The following ONECUT3 variants were observed in gnomAD, a reference collection of about 807,000 sequenced individuals.
The protein encoded by ONECUT3 is one cut domain family member 3.
A neutral mutation model predicts 16.8 loss-of-function variants in ONECUT3; 11 were observed. That is an observed-to-expected ratio of 0.66 (90% confidence interval 0.41 to 1.09). The LOEUF (loss-of-function observed/expected upper bound fraction) is 1.09, where lower values mean the gene tolerates loss of function less well. ONECUT3 is among the 50% of genes least tolerant of loss of function. ONECUT3 has a pLI of 0.00. For missense variants in ONECUT3, 637 were observed against 629.9 expected, an observed-to-expected ratio of 1.01 and a Z score of -0.12; for synonymous variants, 344 against 310.7, an observed-to-expected ratio of 1.11 and a Z score of -1.13.
At chr19:1,767,728 A>G (rs2068006094) in intron 1 of ONECUT3, among the ~76,000 whole-genome samples, 1 of 152,216 alleles carries the variant, frequency 6.6e-6, no homozygotes, top group Non-Finnish European at 1.5e-5. Flanking sequence ...CCCAGAAAAG[A>G]AAACGACCCT....
chr19:1,773,851 C>T (rs1422840061), intron 1 of ONECUT3, among the ~76,000 whole-genome samples: 1 of 152,218 alleles, frequency 6.6e-6, no homozygotes, highest in Non-Finnish European at 1.5e-5. Context: ...CTGACACCCA[C>T]TGCATTGAGG....
chr19:1,768,547 C>T (rs1429170044), intron 1 of ONECUT3, among the ~76,000 whole-genome samples: 1 of 152,208 alleles, frequency 6.6e-6, no homozygotes, highest in Non-Finnish European at 1.5e-5. Context: ...GCAAGCTTGA[C>T]AGCCTGGCCC....
Position 1,779,777 on chromosome 19 carries a change from T to G in ONECUT3, c.*4332T>G, listed in dbSNP as rs2145159358. ...TTTCGTTACTGTTTCTTTCCTCCTT[T>G]CTAAGGAACTGTGTCCAGCCGGGAC... On this transcript the variant is annotated 3_prime_UTR_variant, in exon 2 of 2. Coordinates refer to ENST00000382349, the MANE Select transcript of ONECUT3 (RefSeq NM_001080488.2). 1 of 152,004 alleles carries G rather than the reference T, an allele frequency of 6.6e-6. No homozygotes were observed. The highest frequency in any genetic ancestry group is 2.4e-5 in the African/African-American group (1 of 41,396). 9.4% of individuals were successfully genotyped at this position (152,004 alleles called of 1,614,324 possible). A position where few individuals can be genotyped will look rare whatever the true frequency, so the allele number is the denominator to read the frequency against.
Position 1,762,110 on chromosome 19 carries a change from C to T in ONECUT3, c.1192+7256C>T, listed in dbSNP as rs1600342059. On this transcript the variant is annotated intron_variant, in intron 1 of 1. Transcript: ENST00000382349. The surrounding 1 kb of genome is among the most constrained non-coding windows in gnomAD (Gnocchi z 4.4). ...CTCTGGCAGTCTTGAGCCAGCAACT[C>T]CCCTAAGTGGGGTGCGGGGACATCT... is the stretch of plus-strand genomic sequence containing the variant. 6.6e-6 allele frequency among the ~76,000 whole-genome samples: 1 copy of T among 152,340 alleles called. No homozygotes were observed. The highest frequency in any genetic ancestry group is 1.9e-4 in the East Asian group (1 of 5,188).
At chr19:1,770,023 CT>C (rs796589814) in intron 1 of ONECUT3, among the ~76,000 whole-genome samples, 2 of 152,230 alleles carry the variant, frequency 1.3e-5, no homozygotes, top group African/African-American at 4.8e-5. Context: ...CCTATTGGGA[CT>C]GGCTGGGCAA....
At chr19:1,757,800 C>T (rs1327166265) in intron 1 of ONECUT3, among the ~76,000 whole-genome samples, 1 of 151,914 alleles carries the variant, frequency 6.6e-6, no homozygotes, top group African/African-American at 2.4e-5. Flanking sequence ...GGGGAGACGG[C>T]CGGATGCGTC....
At position 1,754,164 on chromosome 19, in the gene ONECUT3, T is replaced by C; in HGVS notation, c.502T>C (p.Phe168Leu). The C allele has an allele frequency of 9.1e-7, 1 of 1,095,208 alleles. No homozygotes were observed. Among genetic ancestry groups the C allele is most frequent in the Non-Finnish European group, 1.1e-6 (1 of 894,376 alleles). 67.8% of individuals were successfully genotyped at this position (1,095,208 alleles called of 1,614,324 possible). ...TCTGGCGGCCAGCGTGAGCGGCAGC[T>C]TCACCCTCATGCGCGACGAGCGGGC... ...QRLAASVSGSFTLMRDERAAL... is the reference protein window; with the variant it reads ...QRLAASVSGSLTLMRDERAAL... Residue 168 changes from phenylalanine to leucine, a missense_variant, in exon 1 of 2, where the codon TTC (phenylalanine) becomes CTC (leucine). This residue lies in a region of ONECUT3 where 419 missense variants were observed against 377.9 expected (regional missense o/e 1.11). Coordinates refer to ENST00000382349, the MANE Select transcript of ONECUT3 (RefSeq NM_001080488.2). The surrounding 1 kb of genome is among the most constrained non-coding windows in gnomAD (Gnocchi z 7.4).
chr19:1,765,417 G>C (rs11883122), intron 1 of ONECUT3, among the ~76,000 whole-genome samples: 2 of 152,200 alleles, frequency 1.3e-5, no homozygotes, highest in African/African-American at 4.8e-5. Flanking sequence ...AGAGAGCCCA[G>C]TGGAGCCCGC....
Position 1,780,169 on chromosome 19 carries a change from A to ACC in ONECUT3, c.*4728_*4729dup, listed in dbSNP as rs1446116147. The stretch of plus-strand genomic sequence containing the variant: ...GAGGGCCCCAACAGCAGGCACCAGC[A>ACC]CCCCCTCCCCCCCCACCTCCACCCA... On this transcript the variant is annotated 3_prime_UTR_variant, in exon 2 of 2. Coordinates refer to ENST00000382349, the MANE Select transcript of ONECUT3 (RefSeq NM_001080488.2). The ACC allele has an allele frequency of 1.0e-4, 15 of 144,172 alleles. No individual in the cohort carries two copies. Among genetic ancestry groups the ACC allele is most frequent in the African/African-American group, 3.2e-4 (12 of 37,758 alleles). The allele number at this position is 144,172 out of a possible 1,614,324, so 8.9% of individuals were successfully genotyped here.
Position 1,754,381 on chromosome 19 carries a change from T to C in ONECUT3, c.719T>C (p.Leu240Pro). The change falls in exon 1 of 2, where the codon CTG becomes CCG. Residue 240 changes from leucine (L) to proline (P), a missense_variant. Coordinates refer to ENST00000382349, the MANE Select transcript of ONECUT3 (RefSeq NM_001080488.2). This position sits in a 1 kb window ranked among gnomAD's most constrained non-coding sequence, Gnocchi z 7.4. ...PPGHLAGDKL[L>P]PPAAFEPHAA... ...GGCCACCTGGCTGGGGACAAGCTGC[T>C]GCCGCCCGCCGCCTTCGAGCCGCAC... 1 of 1,102,908 alleles carries C rather than the reference T, an allele frequency of 9.1e-7. No individual in the cohort carries two copies. Among genetic ancestry groups the C allele is most frequent in the Non-Finnish European group, 1.1e-6 (1 of 897,132 alleles). 68.3% of individuals were successfully genotyped at this position (1,102,908 alleles called of 1,614,324 possible).
chr19:1,770,132 C>T (rs890331295), intron 1 of ONECUT3, among the ~76,000 whole-genome samples: 7 of 152,146 alleles, frequency 4.6e-5, no homozygotes, highest in Non-Finnish European at 8.8e-5. Flanking sequence ...GTGATTCATG[C>T]CTGTAACCCC....
chr19:1,775,214 C>T lies in ONECUT3; in HGVS notation c.1254C>T (p.Arg418=). Residue 418 remains arginine, a synonymous_variant, in exon 2 of 2, where the codon CGC becomes CGT. Transcript: ENST00000382349. The part of the protein sequence containing the change: ...KERALQPKKQ[R]LVFTDLQRRT... ...GCGCCCTGCAGCCCAAGAAGCAGCG[C>T]CTGGTGTTCACCGACCTGCAGCGAC... 2 of 1,564,592 alleles carry T rather than the reference C, an allele frequency of 1.3e-6. No homozygotes were observed. Among genetic ancestry groups the T allele is most frequent in the East Asian group, 2.4e-5 (1 of 41,120 alleles).
chr19:1,762,589 G>T lies in ONECUT3; in HGVS notation c.1192+7735G>T, dbSNP rs2067952007. ...GGTGTGTGGATCCCAGAGCGCGCCC[G>T]GCCCCCAACAGCCTGACAGGACCTG... is the stretch of plus-strand genomic sequence containing the variant. On this transcript the variant is annotated intron_variant, in intron 1 of 1. Transcript: ENST00000382349. The surrounding 1 kb of genome is among the most constrained non-coding windows in gnomAD (Gnocchi z 4.4). Among the ~76,000 whole-genome samples, 1 of 152,028 alleles carries T rather than the reference G, an allele frequency of 6.6e-6. No individual in the cohort carries two copies. Among genetic ancestry groups the T allele is most frequent in the African/African-American group, 2.4e-5 (1 of 41,380 alleles).
At position 1,759,915 on chromosome 19, in the gene ONECUT3, G is replaced by C. The variant is rs2067937155; in HGVS notation, c.1192+5061G>C. On this transcript the variant is annotated intron_variant, in intron 1 of 1. Coordinates refer to ENST00000382349, the MANE Select transcript of ONECUT3 (RefSeq NM_001080488.2). This position sits in a 1 kb window ranked among gnomAD's most constrained non-coding sequence, Gnocchi z 4.1. ...ACGTGGGGCTGCGCGCGAGACTCAG[G>C]TGACTCTGGTGCCCCCACACCAGCA... Among the ~76,000 whole-genome samples the C allele has an allele frequency of 6.6e-6, 1 of 152,136 alleles. No homozygotes were observed.
chr19:1,767,563 C>A (rs1600349957), intron 1 of ONECUT3, among the ~76,000 whole-genome samples: 1 of 152,212 alleles, frequency 6.6e-6, no homozygotes, highest in Non-Finnish European at 1.5e-5. Flanking sequence ...CCCTTTCCCC[C>A]GCATGAGACA....
At chr19:1,763,831 G>C (rs1264851754) in intron 1 of ONECUT3, among the ~76,000 whole-genome samples, 1 of 150,246 alleles carries the variant, frequency 6.7e-6, no homozygotes, top group Admixed American at 6.7e-5. Context: ...CATTTTTGCC[G>C]GCCGCCTAGT....
chr19:1,775,126 G>GGCCCCCCCCCCCCCCCCC, intron 1 of ONECUT3, 27 bp from the exon 2 acceptor site: 1 of 1,143,894 alleles, frequency 8.7e-7, no homozygotes, highest in Admixed American at 2.6e-5. Context: ...TGTCCCGCTC[G>GGCCCCCCCCCCCCCCCCC]CCCGCCCGCC....
At chr19:1,771,372 G>A (rs977614956) in intron 1 of ONECUT3, among the ~76,000 whole-genome samples, 1 of 152,064 alleles carries the variant, frequency 6.6e-6, no homozygotes, top group African/African-American at 2.4e-5. Context: ...TCTGAGAAAG[G>A]GTATGTGGGA....
intron 1 of ONECUT3, among the ~76,000 whole-genome samples, chr19:1,757,325 T>C (rs2067921751): frequency 6.6e-6 from 1 of 152,232 alleles, no homozygotes; most frequent in African/African-American, 2.4e-5. Flanking sequence ...CAGGCTCCGT[T>C]TGTGCCTCGC....
Sources: allele counts gnomAD v4.1 joint callset (sites outside exome capture counted in the v4.1 genomes callset), GRCh38; gene constraint gnomAD v4.1.1; regional missense constraint gnomAD v4.1.1; non-coding constraint Gnocchi (gnomAD v3.1); transcripts MANE v1.5; gene names NCBI Gene and HGNC (gene_info 2026-07-23, HGNC 2026-07-21).